The following CPAMD8 variants were observed in gnomAD, a reference collection of about 807,000 sequenced individuals.
The protein encoded by CPAMD8 is C3 and PZP like alpha-2-macroglobulin domain containing 8.
CPAMD8 carries 146 observed loss-of-function variants against 224.7 expected under a neutral mutation model. The observed-to-expected ratio is 0.65, with a 90% CI of 0.57 to 0.75. CPAMD8 has a LOEUF of 0.75. CPAMD8 is among the 30% of genes least tolerant of loss of function. The probability of loss-of-function intolerance (pLI) is 0.00; values close to 1 mark genes in which losing one functional copy is unlikely to be tolerated. For missense variants in CPAMD8, 2,301 were observed against 2,537.5 expected (o/e 0.91, Z 2.00); for synonymous variants, 966 against 1,044.6 (o/e 0.92, Z 1.45).
At chr19:16,941,780 C>T (rs2053899824) in intron 22 of CPAMD8, among the ~76,000 whole-genome samples, 1 of 151,942 alleles carries the variant, frequency 6.6e-6, no homozygotes, top group South Asian at 2.1e-4. Context: ...TGAGACCAGC[C>T]TGGCCAACAT....
At chr19:17,019,622 C>T (rs1364237449) in intron 3 of CPAMD8, among the ~76,000 whole-genome samples, 1 of 151,960 alleles carries the variant, frequency 6.6e-6, no homozygotes, top group Non-Finnish European at 1.5e-5. Context: ...GTGGTGCGAT[C>T]ATAGTTCACT....
At chr19:16,990,220 C>T (rs2055891582) in intron 12 of CPAMD8, among the ~76,000 whole-genome samples, 1 of 152,110 alleles carries the variant, frequency 6.6e-6, no homozygotes, top group South Asian at 2.1e-4. Context: ...TACCACTGCA[C>T]TCCAGGCTGG....
intron 1 of CPAMD8, among the ~76,000 whole-genome samples, chr19:17,023,444 T>C (rs931838133): frequency 1.3e-5 from 2 of 152,062 alleles, no homozygotes; most frequent in Non-Finnish European, 2.9e-5. Flanking sequence ...AAGAGCATTA[T>C]AGCAAAGGCA....
chr19:16,917,897 G>C (rs2053021340), intron 27 of CPAMD8, among the ~76,000 whole-genome samples: 1 of 152,196 alleles, frequency 6.6e-6, no homozygotes, highest in Non-Finnish European at 1.5e-5. Context: ...ACTGGTTCCA[G>C]GACCCCCAAG....
intron 7 of CPAMD8, among the ~76,000 whole-genome samples, chr19:17,006,871 A>G (rs1303578385): frequency 6.6e-6 from 1 of 152,050 alleles, no homozygotes; most frequent in Non-Finnish European, 1.5e-5. Context: ...ACTCATCACA[A>G]CTGACATTAT....
At chr19:16,948,802 A>C in intron 20 of CPAMD8, among the ~76,000 whole-genome samples, 1 of 112,698 alleles carries the variant, frequency 8.9e-6, no homozygotes, top group East Asian at 2.9e-4. Flanking sequence ...GGAGGGGAAG[A>C]GAGGGGAAGA....
intron 3 of CPAMD8, among the ~76,000 whole-genome samples, chr19:17,016,055 T>G (rs933439461): frequency 2.0e-5 from 3 of 152,272 alleles, no homozygotes; most frequent in Non-Finnish European, 2.9e-5. Context: ...GCAATCCTCC[T>G]ACCTTGGCCT....
chr19:16,909,042 T>A (rs1429213833), intron 29 of CPAMD8, among the ~76,000 whole-genome samples: 2 of 151,896 alleles, frequency 1.3e-5, no homozygotes, highest in Non-Finnish European at 2.9e-5. Context: ...CTCCAAGGGG[T>A]CAAGGTCATT....
intron 21 of CPAMD8, among the ~76,000 whole-genome samples, chr19:16,946,305 G>T (rs566610584): frequency 1.3e-5 from 2 of 150,968 alleles, no homozygotes; most frequent in South Asian, 4.2e-4. Flanking sequence ...GTCTACACAT[G>T]CAGGCATGTG....
chr19:17,001,355 C>T (rs2056313823), intron 9 of CPAMD8, among the ~76,000 whole-genome samples: 1 of 134,676 alleles, frequency 7.4e-6, no homozygotes. Context: ...CAAGGATCAA[C>T]CCCTCTCGGG....
At chr19:16,894,777 C>T (rs973393407) in intron 41 of CPAMD8, 54 of 270,982 alleles carry the variant, frequency 2.0e-4, no homozygotes, top group Middle Eastern at 1.4e-3. Flanking sequence ...CACAGTGGCT[C>T]ACGCCTGTAA....
rs112987152 is a variant in CPAMD8, at chr19:17,004,620, C to T, written c.560-234G>A. On this transcript the variant is annotated intron_variant, in intron 7 of 41. Transcript: ENST00000443236. ...AAGGGATGCAGGAAGGGACTGGACC[C>T]GCGGTTCCCGGGACAGCCTTGCAGC... Among the ~76,000 whole-genome samples, 11 of 152,192 alleles carry T rather than the reference C, an allele frequency of 7.2e-5. 1 individual carries two copies. In the South Asian group the frequency reaches 1.2e-3, roughly 17 times the overall value.
At chr19:16,896,887 CG>C in intron 39 of CPAMD8, 1 of 397,824 alleles carries the variant, frequency 2.5e-6, no homozygotes, top group Admixed American at 4.5e-5. Context: ...TTTTAAAAAG[CG>C]GTTGTAGGAG....
intron 7 of CPAMD8, among the ~76,000 whole-genome samples, chr19:17,007,798 T>A (rs2056533717): frequency 6.6e-6 from 1 of 152,158 alleles, no homozygotes; most frequent in African/African-American, 2.4e-5. Context: ...AAAAGCAAAG[T>A]CCTTTCTGAC....
At chr19:16,912,676 C>T (rs1337632751) in intron 29 of CPAMD8, among the ~76,000 whole-genome samples, 1 of 152,062 alleles carries the variant, frequency 6.6e-6, no homozygotes, top group Non-Finnish European at 1.5e-5. Flanking sequence ...GGATCCCACC[C>T]TGCAAGGGGA....
chr19:17,003,999 C>T (rs866922619), intron 8 of CPAMD8, among the ~76,000 whole-genome samples: 2 of 151,606 alleles, frequency 1.3e-5, no homozygotes, highest in African/African-American at 4.8e-5. Flanking sequence ...CTCTGCCTCC[C>T]GGTTCAAGTG....
At chr19:16,954,342 A>G in intron 19 of CPAMD8, among the ~76,000 whole-genome samples, 1 of 151,894 alleles carries the variant, frequency 6.6e-6, no homozygotes, top group East Asian at 1.9e-4. Flanking sequence ...CAAAAAAAAA[A>G]AAAAAGAAAA....
Position 16,903,736 on chromosome 19 carries a change from T to G in CPAMD8, c.4373A>C (p.His1458Pro), listed in dbSNP as rs1386866801. 4 of 1,614,168 alleles carry G rather than the reference T, an allele frequency of 2.5e-6. No individual in the cohort carries two copies. Among genetic ancestry groups the G allele is most frequent in the South Asian group, 2.2e-5 (2 of 91,086 alleles). ...CTGCAGAACCTTCTGGTTGGTCCTG[T>G]GCAGCTCGAAGGTTTCCTGGTAGTC... ...NLDYQETFEL[H>P]RTNQKVLQTA... Residue 1458 changes from histidine (H) to proline (P), a missense_variant, in exon 33 of 42, where the codon CAC (histidine) becomes CCC (proline). Physicochemically the swap from His to Pro is moderately conservative, Grantham distance 77. This residue lies in a region of CPAMD8 where 1,709 missense variants were observed against 1,753.2 expected (regional missense o/e 0.97). Transcript: ENST00000443236.
At chr19:16,974,143 T>A (rs905451386) in intron 17 of CPAMD8, among the ~76,000 whole-genome samples, 2 of 151,856 alleles carry the variant, frequency 1.3e-5, no homozygotes, top group Non-Finnish European at 2.9e-5. Flanking sequence ...TAGCCCTTTT[T>A]TTTTTTGAGA....
Sources: allele counts gnomAD v4.1 joint callset (sites outside exome capture counted in the v4.1 genomes callset), GRCh38; gene constraint gnomAD v4.1.1; regional missense constraint gnomAD v4.1.1; transcripts MANE v1.5; gene names NCBI Gene and HGNC (gene_info 2026-07-23, HGNC 2026-07-21).